SARDH: variants seen among roughly 807,000 people sequenced by gnomAD.
The protein encoded by SARDH is sarcosine dehydrogenase, also known as sarcosine dehydrogenase, mitochondrial.
In SARDH, 95 loss-of-function variants were observed where a neutral mutation model predicts 109.1. That is an observed-to-expected ratio of 0.87 (90% confidence interval 0.74 to 1.03). The LOEUF is 1.03. Among genes scored for constraint, SARDH ranks in the 50% least tolerant of loss-of-function variants. SARDH has a pLI of 0.00. For missense variants in SARDH, 1,267 were observed against 1,287.8 expected (o/e 0.98, Z 0.25); for synonymous variants, 572 against 534.8 (o/e 1.07, Z -0.96).
At position 133,731,305 on chromosome 9, in the gene SARDH, C is replaced by G. The variant is rs1269676780; in HGVS notation, c.690G>C (p.Gln230His). The change falls in exon 4 of 21, where the codon CAG (glutamine) becomes CAC (histidine). Residue 230 changes from glutamine to histidine, a missense_variant and splice_region_variant. By Grantham distance (24) the Gln-to-His change is conservative (BLOSUM62 0). Coordinates refer to ENST00000439388, the MANE Select transcript of SARDH (RefSeq NM_001134707.2). ...CCCAGAGCCAGGCGGCCATCAGTAC[C>G]TGTGCTCCTCGGGCAGAAGCTGCCC... is the stretch of plus-strand genomic sequence containing the variant. ...LARAASARGA[Q>H]VIENCPVTGI... The G allele has an allele frequency of 2.5e-6, 4 of 1,614,062 alleles. No individual in the cohort carries two copies. Among genetic ancestry groups the G allele is most frequent in the Non-Finnish European group, 1.7e-6 (2 of 1,179,978 alleles).
chr9:133,736,390 G>GTTGTTGTTTGT (rs1554763808), intron 1 of SARDH, among the ~76,000 whole-genome samples: 127 of 150,388 alleles, frequency 8.4e-4, no homozygotes, highest in African/African-American at 2.9e-3. Context: ...TGTTGTTGTT[G>GTTGTTGTTTGT]TTGTTTGTTT....
chr9:133,663,607 T>C lies in SARDH; in HGVS notation c.*282A>G. 1 of 440,314 alleles carries C rather than the reference T, an allele frequency of 2.3e-6. No homozygotes were observed. Among genetic ancestry groups the C allele is most frequent in the South Asian group, 4.1e-5 (1 of 24,434 alleles). 27.3% of individuals were successfully genotyped at this position (440,314 alleles called of 1,614,324 possible). ...TATTTACTAAGCACCTTCTAGAAGC[T>C]TGGAAAGGGCTACAAGCCATGGTCC... On this transcript the variant is annotated 3_prime_UTR_variant, in exon 21 of 21. Coordinates refer to ENST00000439388, the MANE Select transcript of SARDH (RefSeq NM_001134707.2).
In SARDH at chr9:133,718,444, CCT is replaced by C. The variant is rs959669780; in HGVS notation, c.1020+492_1020+493del. 1.0e-5 allele frequency: 5 copies of C among 499,458 alleles called. No homozygotes were observed. Among genetic ancestry groups the C allele is most frequent in the African/African-American group, 9.6e-5 (5 of 51,832 alleles). The allele number at this position is 499,458 out of a possible 1,614,324, so 30.9% of individuals were successfully genotyped here. A position where few individuals can be genotyped will look rare whatever the true frequency, so the allele number is the denominator to read the frequency against. On this transcript the variant is annotated intron_variant, in intron 7 of 20. Transcript: ENST00000439388. The surrounding 1 kb of genome is among the most constrained non-coding windows in gnomAD (Gnocchi z 4.2). ...AGTCAGGGACTTTTATCTTAGTTTC[CCT>C]CTTTCTCCAGAAATTAAAGCAGTTT...
intron 2 of SARDH, 36 bp downstream of exon 2, chr9:133,733,807 A>G (rs1832767417): frequency 1.4e-6 from 2 of 1,439,254 alleles, no homozygotes; most frequent in Non-Finnish European, 1.8e-6. Context: ...GCTATGTCCT[A>G]TCCTTCCCTG....
chr9:133,685,070 G>A, intron 17 of SARDH, 123 bp downstream of exon 17: 1 of 750,032 alleles, frequency 1.3e-6, no homozygotes, highest in African/African-American at 1.8e-5. Flanking sequence ...TTCACAGTTG[G>A]GGACCGAGGC....
intron 11 of SARDH, among the ~76,000 whole-genome samples, chr9:133,707,131 G>A (rs1262308236): frequency 6.6e-6 from 1 of 152,214 alleles, no homozygotes; most frequent in Non-Finnish European, 1.5e-5. Flanking sequence ...GTCAAGTGTC[G>A]CAAGAAGGCT....
intron 12 of SARDH, chr9:133,703,243 G>A: frequency 1.8e-6 from 1 of 568,814 alleles, no homozygotes; most frequent in Non-Finnish European, 3.2e-6. Context: ...GGGTTGCCTG[G>A]TGGGTCTGAG....
intron 10 of SARDH, among the ~76,000 whole-genome samples, chr9:133,710,929 T>G (rs930720327): frequency 6.6e-6 from 1 of 152,110 alleles, no homozygotes; most frequent in African/African-American, 2.4e-5. Context: ...ACAGGGTGGG[T>G]GCTCCTCCTG....
intron 11 of SARDH, among the ~76,000 whole-genome samples, chr9:133,707,666 C>A (rs1831741576): frequency 1.3e-5 from 2 of 152,182 alleles, no homozygotes; most frequent in Admixed American, 6.5e-5. Flanking sequence ...TAGGACATAG[C>A]CCCTGTTCCC....
rs1831548952 is a variant in SARDH at position 133,702,990 on chromosome 9, C to A, written c.1594G>T (p.Ala532Ser). ...YDYYGAYGSR[A>S]HEDYAYRRLL... ...CTGCGGTAGGCGTAGTCCTCGTGCG[C>A]GCGGCTCCCGTAAGCCCCGTAGTAG... Residue 532 changes from alanine (A) to serine (S), a missense_variant, in exon 13 of 21, where the codon GCG becomes TCG. By Grantham distance (99) the Ala-to-Ser change is moderately conservative. Transcript: ENST00000439388. The A allele has an allele frequency of 6.2e-7, 1 of 1,613,342 alleles. No homozygotes were observed. Among genetic ancestry groups the A allele is most frequent in the African/African-American group, 1.3e-5 (1 of 74,924 alleles).
At chr9:133,706,899 G>A (rs4979632) in intron 11 of SARDH, among the ~76,000 whole-genome samples, 29,731 of 151,994 alleles carry the variant, frequency 0.2, 3,438 homozygotes, top group East Asian at 0.3. Context: ...CACGCCCAAG[G>A]CCACAGCATT....
rs778141547 is a variant in SARDH, at chr9:133,666,770, C to A, written c.2596G>T (p.Ala866Ser). The A allele has an allele frequency of 6.2e-7, 1 of 1,601,214 alleles. No homozygotes were observed. Among genetic ancestry groups the A allele is most frequent in the South Asian group, 1.1e-5 (1 of 88,808 alleles). The change falls in exon 20 of 21, where the codon GCC becomes TCC. Residue 866 changes from alanine to serine, a missense_variant. Ala to Ser is a moderately conservative substitution (Grantham distance 99, BLOSUM62 1). Coordinates refer to ENST00000439388, the MANE Select transcript of SARDH (RefSeq NM_001134707.2). This position sits in a 1 kb window ranked among gnomAD's most constrained non-coding sequence, Gnocchi z 5.2. ...DFGFAIDKTI[A>S]YGYIHDPSGG... ...CTGGGGTCATGGATGTAACCGTAGG[C>A]GATGGTCTTGTCGATGGCGAACCCA...
chr9:133,681,903 T>C (rs1830708426), intron 17 of SARDH, among the ~76,000 whole-genome samples: 1 of 151,848 alleles, frequency 6.6e-6, no homozygotes, highest in Non-Finnish European at 1.5e-5. Flanking sequence ...ACCTCCCCTG[T>C]GTTTCCCCTC....
Position 133,686,311 on chromosome 9 carries a change from C to T in SARDH, c.2070-1025G>A, listed in dbSNP as rs961395312. On this transcript the variant is annotated intron_variant, in intron 16 of 20. Coordinates refer to ENST00000439388, the MANE Select transcript of SARDH (RefSeq NM_001134707.2). This position sits in a 1 kb window ranked among gnomAD's most constrained non-coding sequence, Gnocchi z 4.0. ...CAGGAAGCCCTCACCTCCTGGGCAC[C>T]GTGCCCACCTCCAGGCCTAGCCCTC... is the stretch of plus-strand genomic sequence containing the variant. Among the ~76,000 whole-genome samples the T allele has an allele frequency of 7.2e-5, 11 of 152,160 alleles. No homozygotes were observed. The highest frequency in any genetic ancestry group is 3.4e-3 in the Middle Eastern group (1 of 294).
At chr9:133,734,245 C>G in intron 1 of SARDH, 42 bp from the exon 2 acceptor site, 2 of 1,362,222 alleles carry the variant, frequency 1.5e-6, no homozygotes, top group South Asian at 3.0e-5. Flanking sequence ...AGAGGGGACA[C>G]GCTGGGGGCT....
chr9:133,688,993 C>G (rs916345154), intron 16 of SARDH, among the ~76,000 whole-genome samples: 2 of 152,198 alleles, frequency 1.3e-5, no homozygotes, highest in Non-Finnish European at 2.9e-5. Context: ...TCCCTTGCAG[C>G]CTGAGAGGGG....
At chr9:133,697,246 A>G (rs1831318655) in intron 13 of SARDH, among the ~76,000 whole-genome samples, 1 of 152,246 alleles carries the variant, frequency 6.6e-6, no homozygotes, top group Admixed American at 6.5e-5. Flanking sequence ...TGAAGACATG[A>G]CAAATCTTAA....
intron 3 of SARDH, 120 bp from the exon 4 acceptor site, chr9:133,731,604 G>A (rs903255231): frequency 7.2e-6 from 7 of 969,098 alleles, no homozygotes; most frequent in Non-Finnish European, 1.1e-5. Context: ...AGCCTTAGCC[G>A]GTCCCCACGC....
At chr9:133,727,972 C>T (rs747005472) in intron 6 of SARDH, among the ~76,000 whole-genome samples, 3 of 152,106 alleles carry the variant, frequency 2.0e-5, no homozygotes, top group Admixed American at 6.5e-5. Flanking sequence ...CAGCTCTGCC[C>T]GCCCTCCCAG....
Sources: allele counts gnomAD v4.1 joint callset (sites outside exome capture counted in the v4.1 genomes callset), GRCh38; gene constraint gnomAD v4.1.1; non-coding constraint Gnocchi (gnomAD v3.1); transcripts MANE v1.5; gene names NCBI Gene and HGNC (gene_info 2026-07-23, HGNC 2026-07-21).